The following INO80D variants were observed in gnomAD, a reference collection of about 807,000 sequenced individuals.
INO80D encodes the protein INO80 complex subunit D.
INO80D carries 21 observed loss-of-function variants against 87.6 expected under a neutral mutation model. The observed-to-expected ratio is 0.24, with a 90% CI of 0.17 to 0.35. INO80D has a LOEUF of 0.35. INO80D is among the 10% of genes least tolerant of loss of function. The pLI is 1.00. For missense variants in INO80D, 982 were observed against 1,280.7 expected (o/e 0.77, Z 3.56); for synonymous variants, 440 against 491.0 (o/e 0.90, Z 1.37).
chr2:206,029,105 G>T (rs1176246506), intron 5 of INO80D, among the ~76,000 whole-genome samples: 1 of 151,890 alleles, frequency 6.6e-6, no homozygotes, highest in Non-Finnish European at 1.5e-5. Flanking sequence ...AGCTAGGATG[G>T]TCTCGATCTC....
rs779742041 is a variant in INO80D, at chr2:206,004,659, C to T, written c.2793G>A (p.Gln931=). The T allele has an allele frequency of 5.0e-6, 8 of 1,613,634 alleles. No homozygotes were observed. The highest frequency in any genetic ancestry group is 6.8e-6 in the Non-Finnish European group (8 of 1,179,832). Residue 931 remains glutamine, a synonymous_variant, in exon 11 of 11, where the codon CAG becomes CAA. Transcript: ENST00000403263. This position sits in a 1 kb window ranked among gnomAD's most constrained non-coding sequence, Gnocchi z 4.9. ...PPTTSNSETT[Q]PAFATVTPSS... is the part of the protein sequence containing the mutation. ...TGGGGGTCACGGTGGCGAAGGCAGG[C>T]TGTGTGGTCTCTGAGTTCGAAGTGG... is the stretch of plus-strand genomic sequence containing the variant.
At chr2:206,040,398 C>A in intron 5 of INO80D, 1 of 169,282 alleles carries the variant, frequency 5.9e-6, no homozygotes, top group African/African-American at 2.4e-5. Context: ...GCCTTCCTTC[C>A]TTTTTGTTGT....
At position 206,003,693 on chromosome 2, in the gene INO80D, A is replaced by T. The variant is rs1687945256; in HGVS notation, c.*675T>A. 1 of 152,884 alleles carries T rather than the reference A, an allele frequency of 6.5e-6. No homozygotes were observed. Among genetic ancestry groups the T allele is most frequent in the Non-Finnish European group, 1.5e-5 (1 of 68,560 alleles). The allele number at this position is 152,884 out of a possible 1,614,324, so 9.5% of individuals were successfully genotyped here. On this transcript the variant is annotated 3_prime_UTR_variant, in exon 11 of 11. Coordinates refer to ENST00000403263, the MANE Select transcript of INO80D (RefSeq NM_017759.5). ...GTGAGATGTAGGACAGGAGAAAAGT[A>T]AGAGTTTTATACTCATTAAGTAGGG...
intron 8 of INO80D, among the ~76,000 whole-genome samples, chr2:206,015,545 C>G (rs1688294743): frequency 6.6e-6 from 1 of 152,140 alleles, no homozygotes; most frequent in African/African-American, 2.4e-5. Flanking sequence ...GCACAGAAGT[C>G]AAGAATTGAG....
In INO80D at chr2:206,022,509, A is replaced by T. The variant is rs73061920; in HGVS notation, c.1299-2664T>A. On this transcript the variant is annotated intron_variant, in intron 6 of 10. Coordinates refer to ENST00000403263, the MANE Select transcript of INO80D (RefSeq NM_017759.5). Reference sequence around the variant, plus strand: ...TCATATTTAAAAAATCTACTACAGGATTCCCTTTGACATGCCCTATTGCAC... The same window carrying T: ...TCATATTTAAAAAATCTACTACAGGTTTCCCTTTGACATGCCCTATTGCAC... 7.9e-3 allele frequency among the ~76,000 whole-genome samples: 1,204 copies of T among 152,308 alleles called. 13 individuals are homozygous for T. Among genetic ancestry groups the T allele is most frequent in the African/African-American group, 0.027 (1,123 of 41,582 alleles).
chr2:206,009,804 G>C lies in INO80D; in HGVS notation c.1543-10C>G. ...CTCTCAAGAAATTATCCTTTGGAAT[G>C]AATAAATAGGCTTTTAAATTGAGAT... On this transcript the variant is annotated splice_polypyrimidine_tract_variant and intron_variant, in intron 8 of 10. Transcript: ENST00000403263. 1 of 1,589,042 alleles carries C rather than the reference G, an allele frequency of 6.3e-7. No homozygotes were observed. Among genetic ancestry groups the C allele is most frequent in the Non-Finnish European group, 8.6e-7 (1 of 1,165,474 alleles).
Position 206,062,948 on chromosome 2 carries a change from T to C in INO80D, c.69A>G (p.Lys23=). The C allele has an allele frequency of 6.2e-7, 1 of 1,613,348 alleles. No homozygotes were observed. The highest frequency in any genetic ancestry group is 8.5e-7 in the Non-Finnish European group (1 of 1,179,742). Residue 23 remains lysine, a synonymous_variant, in exon 3 of 11, where the codon AAA becomes AAG. Coordinates refer to ENST00000403263, the MANE Select transcript of INO80D (RefSeq NM_017759.5). The surrounding 1 kb of genome is among the most constrained non-coding windows in gnomAD (Gnocchi z 4.6). ...CGTTGAGTCGCCTCTGCTTGCACAG[T>C]TTGGGGCTATATGAGCACAAGGGCT... ...DNKPLCSYSP[K]LCKQRRLNGY... is the part of the protein sequence containing the mutation.
At chr2:206,007,683 A>G (rs1688061534) in intron 9 of INO80D, among the ~76,000 whole-genome samples, 1 of 152,006 alleles carries the variant, frequency 6.6e-6, no homozygotes, top group Admixed American at 6.5e-5. Flanking sequence ...TTAGCTGGGC[A>G]TGGTGGTGCA....
In INO80D at chr2:205,999,434, A is replaced by G. The variant is rs1164089324; in HGVS notation, c.*4934T>C. ...ATCACTAAAAACTGCTGTTCAAAGTAGCCAAACATCCCCAGTATTGGGGAA... is the reference window on the plus strand; with the variant it reads ...ATCACTAAAAACTGCTGTTCAAAGTGGCCAAACATCCCCAGTATTGGGGAA... On this transcript the variant is annotated 3_prime_UTR_variant, in exon 11 of 11. Transcript: ENST00000403263. 6.6e-6 allele frequency: 1 copy of G among 152,258 alleles called. No individual in the cohort carries two copies. Among genetic ancestry groups the G allele is most frequent in the Non-Finnish European group, 1.5e-5 (1 of 68,044 alleles). 9.4% of individuals were successfully genotyped at this position (152,258 alleles called of 1,614,324 possible).
intron 3 of INO80D, among the ~76,000 whole-genome samples, chr2:206,057,347 C>T (rs918883544): frequency 1.3e-5 from 2 of 152,006 alleles, no homozygotes; most frequent in African/African-American, 4.8e-5. Flanking sequence ...TTAAAGTATT[C>T]GGAGATTCAC....
At chr2:206,060,993 T>C (rs1441341388) in intron 3 of INO80D, among the ~76,000 whole-genome samples, 2 of 152,144 alleles carry the variant, frequency 1.3e-5, no homozygotes, top group Admixed American at 1.3e-4. Flanking sequence ...TTGAAGAGAT[T>C]CATAAGGACT....
intron 1 of INO80D, among the ~76,000 whole-genome samples, chr2:206,066,634 T>C (rs1689822249): frequency 2.0e-5 from 3 of 151,496 alleles, no homozygotes; most frequent in Admixed American, 2.0e-4. Flanking sequence ...GGCAAAACCC[T>C]TCTCTACAAA....
chr2:206,047,856 A>ATTTTTTTTTTTT (rs1175389682), intron 4 of INO80D, among the ~76,000 whole-genome samples: 2 of 139,440 alleles, frequency 1.4e-5, no homozygotes, highest in Non-Finnish European at 1.5e-5. Context: ...ATTTCTTTCA[A>ATTTTTTTTTTTT]TTTTTTTTTT....
chr2:206,040,220 G>A (rs1263481312), intron 5 of INO80D, among the ~76,000 whole-genome samples: 1 of 148,100 alleles, frequency 6.8e-6, no homozygotes, highest in African/African-American at 2.5e-5. Context: ...TTGAACTCAG[G>A]AGGTTTAGTG....
At chr2:206,081,052 G>T (rs1228019298) in intron 1 of INO80D, among the ~76,000 whole-genome samples, 1 of 151,626 alleles carries the variant, frequency 6.6e-6, no homozygotes, top group Non-Finnish European at 1.5e-5. Flanking sequence ...TCCTCATTTA[G>T]TCTTCACAGC....
chr2:206,071,347 A>G (rs551569477), intron 1 of INO80D, among the ~76,000 whole-genome samples: 50 of 116,710 alleles, frequency 4.3e-4, no homozygotes, highest in Admixed American at 6.4e-4. Flanking sequence ...TATAATGCCC[A>G]AGCTGGATTG....
At chr2:206,019,958 T>C in intron 6 of INO80D, 113 bp from the exon 7 acceptor site, 1 of 620,688 alleles carries the variant, frequency 1.6e-6, no homozygotes, top group Admixed American at 3.0e-5. Flanking sequence ...ATATATAACA[T>C]CTACAGTCAC....
chr2:206,040,501 GC>G (rs1014165565), intron 5 of INO80D: 5 of 216,102 alleles, frequency 2.3e-5, no homozygotes, highest in African/African-American at 1.2e-4. Context: ...TGAACACAAA[GC>G]TGTCATCGTA....
chr2:206,037,528 A>G (rs567076065), intron 5 of INO80D, among the ~76,000 whole-genome samples: 16 of 152,354 alleles, frequency 1.1e-4, no homozygotes, highest in South Asian at 2.1e-4. Context: ...CAAAAGAATC[A>G]TTAGACATGA....
Sources: gnomAD v4.1 joint callset for allele counts (sites outside exome capture counted in the v4.1 genomes callset) on GRCh38, gnomAD v4.1.1 for gene constraint, Gnocchi (gnomAD v3.1) non-coding constraint, MANE v1.5 for transcripts, NCBI Gene and HGNC (gene_info 2026-07-23, HGNC 2026-07-21) for gene names.